TRIP11: variants seen among roughly 807,000 people sequenced by gnomAD.
TRIP11 encodes the protein thyroid receptor-interacting protein 11.
Under a neutral mutation model 223.1 loss-of-function variants are expected in TRIP11, and 148 were observed. The observed-to-expected ratio is 0.66, with a 90% CI of 0.58 to 0.76. The LOEUF (loss-of-function observed/expected upper bound fraction) is 0.76, where lower values mean the gene tolerates loss of function less well. Ranked by LOEUF, TRIP11 falls within the 30% of genes least tolerant of loss-of-function variation. The pLI, the probability that TRIP11 is intolerant of heterozygous loss-of-function variation, is 0.00. For synonymous variants in TRIP11, 762 were observed against 772.6 expected, an observed-to-expected ratio of 0.99 and a Z score of 0.23; for missense variants, 2,043 against 2,222.0, an observed-to-expected ratio of 0.92 and a Z score of 1.62.
intron 1 of TRIP11, 53 bp from the exon 2 acceptor site, chr14:92,033,306 T>C: frequency 7.3e-7 from 1 of 1,363,462 alleles, no homozygotes; most frequent in Non-Finnish European, 1.0e-6. Context: ...TATGAAGTAA[T>C]AAATAGGTAT....
chr14:92,004,854 G>A lies in TRIP11; in HGVS notation c.3122C>T (p.Ser1041Phe). 2 of 1,613,846 alleles carry A rather than the reference G, an allele frequency of 1.2e-6. No homozygotes were observed. Among genetic ancestry groups the A allele is most frequent in the South Asian group, 1.1e-5 (1 of 91,066 alleles). Residue 1041 changes from serine to phenylalanine, a missense_variant, in exon 11 of 21, where the codon TCT (serine) becomes TTT (phenylalanine). Coordinates refer to ENST00000267622, the MANE Select transcript of TRIP11 (RefSeq NM_004239.4). ...CAACTGATCAATCTGTTTAGTTAAA[G>A]ATATATTCTTTTCATTTAGAAGTTT... ...EIKLLNEKNI[S>F]LTKQIDQLSK...
chr14:92,022,364 C>A (rs552777832), intron 3 of TRIP11, among the ~76,000 whole-genome samples: 2 of 152,116 alleles, frequency 1.3e-5, no homozygotes, highest in South Asian at 4.1e-4. Flanking sequence ...TAAATCCAAT[C>A]TTTTTAGATA....
chr14:92,033,242 C>T lies in TRIP11; in HGVS notation c.151G>A (p.Asp51Asn). 1.2e-6 allele frequency: 2 copies of T among 1,612,044 alleles called. No individual in the cohort carries two copies. Among genetic ancestry groups the T allele is most frequent in the Non-Finnish European group, 1.7e-6 (2 of 1,178,498 alleles). ...GCTTCAATTTCCTTTGTCCTAGAAT[C>T]AGGTAATTCTGCTACAAGAGAAATA... The part of the protein sequence containing the change: ...GTEEVEAELP[D>N]SRTKEIEAIH... The change falls in exon 2 of 21, where the codon GAT becomes AAT. Residue 51 changes from aspartate (D) to asparagine (N), a missense_variant. Coordinates refer to ENST00000267622, the MANE Select transcript of TRIP11 (RefSeq NM_004239.4).
intron 9 of TRIP11, among the ~76,000 whole-genome samples, chr14:92,010,360 G>A (rs753020904): frequency 2.6e-5 from 4 of 151,978 alleles, no homozygotes; most frequent in Admixed American, 6.5e-5. Context: ...GAGAAACCCC[G>A]TCTCCACTAA....
rs758805426 is a variant in TRIP11, at chr14:92,003,743, T to G, written c.4233A>C (p.Glu1411Asp). 6.8e-6 allele frequency: 11 copies of G among 1,614,084 alleles called. No individual in the cohort carries two copies. The South Asian group carries it at 8.8e-5, about 13-fold the overall frequency. ...TTTTGGCTTTGATTAAGAGGTCTTT[T>G]TCCTTAAGTAACTTTTGCAAAACAT... Reference protein sequence around the residue: ...KQDVLQKLLKEKDLLIKAKSD... With the variant: ...KQDVLQKLLKDKDLLIKAKSD... Residue 1411 changes from glutamate to aspartate, a missense_variant, in exon 11 of 21, where the codon GAA becomes GAC. Physicochemically the swap from Glu to Asp is conservative, Grantham distance 45. Coordinates refer to ENST00000267622, the MANE Select transcript of TRIP11 (RefSeq NM_004239.4).
intron 4 of TRIP11, among the ~76,000 whole-genome samples, chr14:92,018,874 T>C (rs1413105566): frequency 6.8e-6 from 1 of 147,638 alleles, no homozygotes; most frequent in African/African-American, 2.5e-5. Context: ...GGCAGGAGAA[T>C]TGCTTGAACC....
In TRIP11 at chr14:91,999,956, G is replaced by A; in HGVS notation, c.4698+12C>T. 1.2e-6 allele frequency: 2 copies of A among 1,613,718 alleles called. No homozygotes were observed. The highest frequency in any genetic ancestry group is 1.7e-6 in the Non-Finnish European group (2 of 1,179,802). ...TTGTTTGATTCATAATTCTTTTAAAGTGAAAGTATACCTCATTCTGTAGGG... is the reference window on the plus strand; with the variant it reads ...TTGTTTGATTCATAATTCTTTTAAAATGAAAGTATACCTCATTCTGTAGGG... On this transcript the variant is annotated intron_variant, in intron 12 of 20. Transcript: ENST00000267622.
At chr14:92,026,316 G>A (rs1251016337) in intron 2 of TRIP11, among the ~76,000 whole-genome samples, 1 of 152,062 alleles carries the variant, frequency 6.6e-6, no homozygotes. Context: ...TTAAGATGTT[G>A]AAAAACATGA....
In TRIP11 at chr14:92,005,354, T is replaced by C. The variant is rs1595388539; in HGVS notation, c.2622A>G (p.Glu874=). The C allele has an allele frequency of 6.2e-7, 1 of 1,614,224 alleles. No homozygotes were observed. The highest frequency in any genetic ancestry group is 8.5e-7 in the Non-Finnish European group (1 of 1,180,050). ...HLQEELERLR[E]EQSRTAPVAD... ...CCACAGGTGCGGTTCGACTCTGCTC[T>C]TCCCTGAGTCGTTCCAATTCTTCTT... The change falls in exon 11 of 21, where the codon GAA becomes GAG. Residue 874 remains glutamate, a synonymous_variant. Transcript: ENST00000267622.
intron 4 of TRIP11, among the ~76,000 whole-genome samples, chr14:92,021,321 C>T (rs1403808137): frequency 6.7e-6 from 1 of 148,520 alleles, no homozygotes; most frequent in Non-Finnish European, 1.5e-5. Context: ...CCCAGGAGGC[C>T]GAGGCTGCAG....
Position 92,021,592 on chromosome 14 carries a change from A to G in TRIP11, c.552T>C (p.Leu184=). ...GCCTCCAATGGCCAACTTCAGACTC[A>G]AGTCTTGAAACTTCATTTGAGAGTC... ...INRLSNEVSR[L]ESEVGHWRHI... is the part of the protein sequence containing the mutation. Residue 184 remains leucine (L), a synonymous_variant, in exon 4 of 21, where the codon CTT becomes CTC. Coordinates refer to ENST00000267622, the MANE Select transcript of TRIP11 (RefSeq NM_004239.4). 6.2e-7 allele frequency: 1 copy of G among 1,614,192 alleles called. No homozygotes were observed. The highest frequency in any genetic ancestry group is 1.6e-4 in the Middle Eastern group (1 of 6,062).
In TRIP11 at chr14:92,020,872, C is replaced by A. The variant is rs150254953; in HGVS notation, c.588+684G>T. 4.6e-3 allele frequency among the ~76,000 whole-genome samples: 684 copies of A among 149,878 alleles called. 11 individuals are homozygous for A. Among genetic ancestry groups the A allele is most frequent in the South Asian group, 0.036 (173 of 4,744 alleles). ...AGATCACGAGGTTAGGAGTTTGAGA[C>A]CAGCCTGGCCAACATAGTGAAACCC... On this transcript the variant is annotated intron_variant, in intron 4 of 20. Coordinates refer to ENST00000267622, the MANE Select transcript of TRIP11 (RefSeq NM_004239.4).
chr14:92,031,122 C>T (rs1227867631), intron 2 of TRIP11, among the ~76,000 whole-genome samples: 2 of 151,772 alleles, frequency 1.3e-5, no homozygotes, highest in Non-Finnish European at 2.9e-5. Flanking sequence ...TTTTTATTTA[C>T]TTACTTACTT....
chr14:91,968,768 A>T lies in TRIP11; in HGVS notation c.*905T>A. Reference sequence around the variant, plus strand: ...GAAAAAAAGCCAGTCTCAAGAGGGTATATATTGATTCCATTTATATAACAT... The same window carrying T: ...GAAAAAAAGCCAGTCTCAAGAGGGTTTATATTGATTCCATTTATATAACAT... On this transcript the variant is annotated 3_prime_UTR_variant, in exon 21 of 21. Transcript: ENST00000267622. 4.3e-6 allele frequency: 1 copy of T among 230,040 alleles called. No individual in the cohort carries two copies. Among genetic ancestry groups the T allele is most frequent in the Non-Finnish European group, 8.7e-6 (1 of 115,288 alleles). The allele number at this position is 230,040 out of a possible 1,614,324, so 14.2% of individuals were successfully genotyped here.
At position 92,005,742 on chromosome 14, in the gene TRIP11, T is replaced by G; in HGVS notation, c.2234A>C (p.Glu745Ala). 1 of 1,614,060 alleles carries G rather than the reference T, an allele frequency of 6.2e-7. No homozygotes were observed. Among genetic ancestry groups the G allele is most frequent in the South Asian group, 1.1e-5 (1 of 91,084 alleles). Reference protein sequence around the residue: ...EANKYEKTIEELSNARNLNTS... With the variant: ...EANKYEKTIEALSNARNLNTS... ...ATTCAAATTACGTGCATTTGACAGT[T>G]CTTCAATGGTTTTCTCATACTTGTT... The change falls in exon 11 of 21, where the codon GAA becomes GCA. Residue 745 changes from glutamate (E) to alanine (A), a missense_variant. Transcript: ENST00000267622.
chr14:92,006,771 C>T (rs1247910754), intron 10 of TRIP11, among the ~76,000 whole-genome samples: 3 of 152,080 alleles, frequency 2.0e-5, no homozygotes, highest in South Asian at 4.1e-4. Context: ...CAGGTTCAAG[C>T]AATTCTCCTG....
Position 92,011,071 on chromosome 14 carries a change from T to A in TRIP11, c.1229A>T (p.Asp410Val). Residue 410 changes from aspartate to valine, a missense_variant and splice_region_variant, in exon 9 of 21, where the codon GAT becomes GTT. Physicochemically the swap from Asp to Val is radical, Grantham distance 152 (BLOSUM62 -3). Coordinates refer to ENST00000267622, the MANE Select transcript of TRIP11 (RefSeq NM_004239.4). ...CAGATTGTCTTCAGCAAGACTGTTA[T>A]CCTACAAAAATGTTAAAGCAGTGTT... The part of the protein sequence containing the change: ...EIMRLSSLNQ[D>V]NSLAEDNLKL... 6.2e-7 allele frequency: 1 copy of A among 1,613,962 alleles called. No homozygotes were observed. The highest frequency in any genetic ancestry group is 1.3e-5 in the African/African-American group (1 of 75,036).
rs781355170 is a variant in TRIP11 at position 92,003,680 on chromosome 14, G to C, written c.4296C>G (p.Asn1432Lys). ...QLLSSNENFT[N>K]KVNENELLRQ... ...TCAAAAGTTCGTTTTCATTTACTTTGTTAGTGAAATTTTCATTGGAAGAAA... is the reference window on the plus strand; with the variant it reads ...TCAAAAGTTCGTTTTCATTTACTTTCTTAGTGAAATTTTCATTGGAAGAAA... The change falls in exon 11 of 21, where the codon AAC becomes AAG. Residue 1432 changes from asparagine (N) to lysine (K), a missense_variant. By Grantham distance (94) the Asn-to-Lys change is moderately conservative. Coordinates refer to ENST00000267622, the MANE Select transcript of TRIP11 (RefSeq NM_004239.4). The C allele has an allele frequency of 1.2e-6, 2 of 1,614,078 alleles. No individual in the cohort carries two copies. Among genetic ancestry groups the C allele is most frequent in the Non-Finnish European group, 1.7e-6 (2 of 1,180,012 alleles).
At position 92,003,297 on chromosome 14, in the gene TRIP11, A is replaced by T. The variant is rs558828802; in HGVS notation, c.4557+122T>A. 4.5e-5 allele frequency: 61 copies of T among 1,366,530 alleles called. 1 individual carries two copies. In the South Asian group the frequency reaches 7.1e-4, roughly 16 times the overall value. The allele number at this position is 1,366,530 out of a possible 1,614,324, so 84.7% of individuals were successfully genotyped here. ...TTTACTTAGAATGAATCACACCTTGAAATAAATATTTCTAAATGAACAAAT... is the reference window on the plus strand; with the variant it reads ...TTTACTTAGAATGAATCACACCTTGTAATAAATATTTCTAAATGAACAAAT... On this transcript the variant is annotated intron_variant, in intron 11 of 20. Coordinates refer to ENST00000267622, the MANE Select transcript of TRIP11 (RefSeq NM_004239.4).
Sources: gnomAD v4.1 joint callset for allele counts (sites outside exome capture counted in the v4.1 genomes callset) on GRCh38, gnomAD v4.1.1 for gene constraint, MANE v1.5 for transcripts, NCBI Gene and HGNC (gene_info 2026-07-23, HGNC 2026-07-21) for gene names.